NDRG3: variants seen among roughly 807,000 people sequenced by gnomAD.
NDRG3 encodes the protein protein NDRG3.
NDRG3 carries 23 observed loss-of-function variants against 57.2 expected under a neutral mutation model. That is an observed-to-expected ratio of 0.40 (90% confidence interval 0.29 to 0.57). The LOEUF (loss-of-function observed/expected upper bound fraction) is 0.57, where lower values mean the gene tolerates loss of function less well. NDRG3 is among the 20% of genes least tolerant of loss of function. NDRG3 has a pLI of 0.42. For missense variants in NDRG3, 384 were observed against 457.3 expected (o/e 0.84, Z 1.46); for synonymous variants, 132 against 162.6 (o/e 0.81, Z 1.43).
intron 4 of NDRG3, 69 bp from the exon 5 acceptor site, chr20:36,687,681 A>G: frequency 1.3e-6 from 2 of 1,528,326 alleles, no homozygotes; most frequent in Non-Finnish European, 1.8e-6. Context: ...TACTCAGTCA[A>G]TGCCTATTAT....
Position 36,688,744 on chromosome 20 carries a change from G to A in NDRG3, c.134C>T (p.Thr45Ile), listed in dbSNP as rs770317967. The stretch of plus-strand genomic sequence containing the variant: ...GTTTCCTTTGGGTAAGCCTCTTATA[G>A]TGACGTGGACCACACCATGAGTTGT... ...IETTHGVVHV[T>I]IRGLPKGNRP... Residue 45 changes from threonine to isoleucine, a missense_variant, in exon 4 of 16, where the codon ACT becomes ATT. Thr to Ile is a moderately conservative substitution (Grantham distance 89). Coordinates refer to ENST00000349004, the MANE Select transcript of NDRG3 (RefSeq NM_032013.4). 11 of 1,613,982 alleles carry A rather than the reference G, an allele frequency of 6.8e-6. No individual in the cohort carries two copies. The South Asian group carries it at 1.1e-4, about 16-fold the overall frequency.
chr20:36,684,742 G>T (rs1157855053), intron 5 of NDRG3, among the ~76,000 whole-genome samples: 1 of 152,064 alleles, frequency 6.6e-6, no homozygotes, highest in Non-Finnish European at 1.5e-5. Flanking sequence ...CCAGAAACTT[G>T]GGAGGCTGAG....
At chr20:36,738,994 T>G (rs1347793381) in intron 1 of NDRG3, among the ~76,000 whole-genome samples, 1 of 149,050 alleles carries the variant, frequency 6.7e-6, no homozygotes, top group Admixed American at 6.7e-5. Flanking sequence ...GGTGATGGCA[T>G]GCACCTGTAA....
At chr20:36,708,231 C>T (rs1983660322) in intron 2 of NDRG3, among the ~76,000 whole-genome samples, 1 of 152,142 alleles carries the variant, frequency 6.6e-6, no homozygotes, top group Admixed American at 6.6e-5. Context: ...TATTCTGTCT[C>T]TACAATGACT....
At chr20:36,730,494 A>G (rs1389856258) in intron 1 of NDRG3, among the ~76,000 whole-genome samples, 2 of 152,014 alleles carry the variant, frequency 1.3e-5, no homozygotes, top group East Asian at 3.9e-4. Flanking sequence ...AAGACTCAGC[A>G]GGTCCAATCA....
At chr20:36,679,557 G>A (rs897433823) in intron 8 of NDRG3, among the ~76,000 whole-genome samples, 20 of 150,892 alleles carry the variant, frequency 1.3e-4, no homozygotes, top group African/African-American at 3.4e-4. Context: ...AGGCTGGAGC[G>A]CAATGGTGTG....
At chr20:36,677,868 T>C (rs1980895551) in intron 8 of NDRG3, among the ~76,000 whole-genome samples, 2 of 152,268 alleles carry the variant, frequency 1.3e-5, no homozygotes, top group African/African-American at 4.8e-5. Context: ...GCCACAGAAG[T>C]TTCTGGCTAG....
Position 36,697,384 on chromosome 20 carries a change from C to G in NDRG3, c.94-8600G>C, listed in dbSNP as rs529220555. On this transcript the variant is annotated intron_variant, in intron 3 of 15. Transcript: ENST00000349004. ...TCCTTTGTGGCAGGTTTTTTCCCCC[C>G]CAAGAATAGGGCACTTTTGTCTGCA... Among the ~76,000 whole-genome samples the G allele has an allele frequency of 2.0e-5, 3 of 152,076 alleles. No individual in the cohort carries two copies. In the South Asian group the frequency reaches 6.2e-4, roughly 32 times the overall value.
intron 3 of NDRG3, among the ~76,000 whole-genome samples, chr20:36,703,285 T>C (rs1983352621): frequency 6.6e-6 from 1 of 152,092 alleles, no homozygotes; most frequent in African/African-American, 2.4e-5. Flanking sequence ...TTGGGACAGA[T>C]GCTATAGTTA....
intron 2 of NDRG3, among the ~76,000 whole-genome samples, chr20:36,712,555 C>A (rs1983957302): frequency 1.2e-5 from 1 of 82,232 alleles, no homozygotes. Context: ...GCCACCATGC[C>A]CGGCTATATA....
chr20:36,726,207 G>A (rs1289637781), intron 1 of NDRG3, among the ~76,000 whole-genome samples: 2 of 152,172 alleles, frequency 1.3e-5, no homozygotes. Flanking sequence ...ACAGGTGTGA[G>A]CCACCATACC....
Position 36,688,578 on chromosome 20 carries a change from A to AG in NDRG3, c.199+100dup. On this transcript the variant is annotated intron_variant, in intron 4 of 15. Transcript: ENST00000349004. ...ACAAGGAGGGAAAGTTACCACAGAG[A>AG]GGGGGAAACCTCTGCTCTATTAGAA... is the stretch of plus-strand genomic sequence containing the variant. 4.7e-6 allele frequency: 4 copies of AG among 851,476 alleles called. No homozygotes were observed. The South Asian group carries it at 6.1e-5, about 13-fold the overall frequency. 52.7% of individuals were successfully genotyped at this position (851,476 alleles called of 1,614,324 possible).
chr20:36,680,852 A>C lies in NDRG3; in HGVS notation c.495T>G (p.Pro165=). ...CCCAGTCAATCCAGCCTTTAGCGCA[A>C]GGGTCAACATTAATGAGCACAAGGC... The part of the protein sequence containing the change: ...VEGLVLINVD[P]CAKGWIDWAA... Residue 165 remains proline, a synonymous_variant, in exon 8 of 16, where the codon CCT becomes CCG. Coordinates refer to ENST00000349004, the MANE Select transcript of NDRG3 (RefSeq NM_032013.4). The C allele has an allele frequency of 6.2e-7, 1 of 1,614,106 alleles. No homozygotes were observed. The highest frequency in any genetic ancestry group is 8.5e-7 in the Non-Finnish European group (1 of 1,179,982).
intron 1 of NDRG3, 106 bp downstream of exon 1, chr20:36,745,939 T>C: frequency 3.8e-6 from 1 of 262,426 alleles, no homozygotes; most frequent in South Asian, 1.5e-4. Flanking sequence ...CACCAGGGCC[T>C]CGCCGTGCCG....
rs183350407 is a variant in NDRG3 at position 36,714,580 on chromosome 20, A to G, written c.57+7099T>C. On this transcript the variant is annotated intron_variant, in intron 2 of 15. Coordinates refer to ENST00000349004, the MANE Select transcript of NDRG3 (RefSeq NM_032013.4). Reference sequence around the variant, plus strand: ...CCTCAGCCTCCAGAGTAGCTGTGGCATGTGCCATCATGCCTGGCTAATTTT... The same window carrying G: ...CCTCAGCCTCCAGAGTAGCTGTGGCGTGTGCCATCATGCCTGGCTAATTTT... Among the ~76,000 whole-genome samples the G allele has an allele frequency of 3.5e-3, 520 of 147,726 alleles. 2 individuals carry two copies. The highest frequency in any genetic ancestry group is 7.2e-3 in the Middle Eastern group (2 of 278).
chr20:36,664,881 G>A (rs1244608213), intron 12 of NDRG3, among the ~76,000 whole-genome samples, 165 bp downstream of exon 12: 1 of 152,086 alleles, frequency 6.6e-6, no homozygotes, highest in East Asian at 1.9e-4. Flanking sequence ...TAGAGTTAGG[G>A]TCCCACTGTG....
intron 2 of NDRG3, among the ~76,000 whole-genome samples, chr20:36,721,132 A>G (rs1311363054): frequency 6.6e-6 from 1 of 151,948 alleles, no homozygotes. Context: ...TAGCATCTCT[A>G]TCTGTAAAAT....
At chr20:36,719,378 G>A (rs1180954920) in intron 2 of NDRG3, among the ~76,000 whole-genome samples, 1 of 140,380 alleles carries the variant, frequency 7.1e-6, no homozygotes, top group Non-Finnish European at 1.5e-5. Context: ...AGTGAGCCAA[G>A]ATCACGCCAC....
chr20:36,656,622 T>C (rs1978699629), intron 13 of NDRG3, 90 bp from the exon 14 acceptor site: 1 of 1,416,882 alleles, frequency 7.1e-7, no homozygotes, highest in Admixed American at 1.8e-5. Context: ...AGAACAAGAT[T>C]GAATTCTAGG....
Sources: allele counts gnomAD v4.1 joint callset (sites outside exome capture counted in the v4.1 genomes callset), GRCh38; gene constraint gnomAD v4.1.1; transcripts MANE v1.5; gene names NCBI Gene and HGNC (gene_info 2026-07-23, HGNC 2026-07-21).